The following CNTN4 variants were observed in gnomAD, a reference collection of about 807,000 sequenced individuals.
The protein encoded by CNTN4 is contactin-4.
A neutral mutation model predicts 122.5 loss-of-function variants in CNTN4; 77 were observed. The ratio of observed to expected loss-of-function variants is 0.63; its 90% CI spans 0.52 to 0.76. The LOEUF (loss-of-function observed/expected upper bound fraction) is 0.76. CNTN4 is among the 30% of genes least tolerant of loss of function. The probability of loss-of-function intolerance (pLI) is 0.00; values close to 1 mark genes in which losing one functional copy is unlikely to be tolerated. For missense variants in CNTN4, 1,256 were observed against 1,259.1 expected (o/e 1.00, Z 0.04); for synonymous variants, 512 against 447.0 (o/e 1.15, Z -1.83).
chr3:2,721,223 C>G (rs2087832695), intron 4 of CNTN4, among the ~76,000 whole-genome samples: 1 of 152,162 alleles, frequency 6.6e-6, no homozygotes, highest in African/African-American at 2.4e-5. Flanking sequence ...CCACCCACCT[C>G]AGCCTCCCCA....
intron 2 of CNTN4, among the ~76,000 whole-genome samples, chr3:2,300,972 C>T (rs955718900): frequency 1.3e-5 from 2 of 152,146 alleles, no homozygotes; most frequent in African/African-American, 4.8e-5. Context: ...GATTTACCTG[C>T]AGGAAGTGAC....
In CNTN4 at chr3:2,216,770, G is replaced by A. The variant is rs140236651; in HGVS notation, c.-145+116131G>A. 2.1e-4 allele frequency among the ~76,000 whole-genome samples: 32 copies of A among 152,150 alleles called. No homozygotes were observed. The Middle Eastern group carries it at 0.01, about 49-fold the overall frequency. ...TTGCTTATAGTTGATGTTATGCCCT[G>A]GCTGGTTCCAGTCTGCATACCCCTC... On this transcript the variant is annotated intron_variant, in intron 2 of 24. Transcript: ENST00000418658.
At chr3:3,018,046 T>C (rs549438742) in intron 14 of CNTN4, among the ~76,000 whole-genome samples, 21 of 152,282 alleles carry the variant, frequency 1.4e-4, no homozygotes, top group Admixed American at 1.3e-3. Flanking sequence ...GAAACTGTGG[T>C]GTTTCCATTT....
At chr3:2,407,161 G>T (rs1338034496) in intron 3 of CNTN4, among the ~76,000 whole-genome samples, 1 of 152,122 alleles carries the variant, frequency 6.6e-6, no homozygotes, top group African/African-American at 2.4e-5. Flanking sequence ...GTGTTATTTT[G>T]AAAGTGGCAG....
chr3:2,234,685 A>G (rs940036286), intron 2 of CNTN4, among the ~76,000 whole-genome samples: 2 of 152,186 alleles, frequency 1.3e-5, no homozygotes, highest in Non-Finnish European at 2.9e-5. Flanking sequence ...TCATAAAGAA[A>G]TTTTATTTGA....
chr3:3,016,209 G>C (rs1017768019), intron 14 of CNTN4, among the ~76,000 whole-genome samples: 2 of 152,112 alleles, frequency 1.3e-5, no homozygotes, highest in African/African-American at 4.8e-5. Context: ...TATTTAATTT[G>C]TCATTGACAG....
intron 9 of CNTN4, among the ~76,000 whole-genome samples, chr3:2,886,636 T>C (rs2093982660): frequency 6.6e-6 from 1 of 151,214 alleles, no homozygotes; most frequent in Non-Finnish European, 1.5e-5. Context: ...CTCAGCCTCT[T>C]GAGTAGCTCA....
intron 2 of CNTN4, among the ~76,000 whole-genome samples, chr3:2,162,237 T>G (rs890762789): frequency 6.6e-6 from 1 of 152,230 alleles, no homozygotes; most frequent in African/African-American, 2.4e-5. Context: ...AACATGAGGT[T>G]TCCATCTGAT....
At chr3:2,120,121 T>C (rs2033625859) in intron 2 of CNTN4, among the ~76,000 whole-genome samples, 1 of 151,736 alleles carries the variant, frequency 6.6e-6, no homozygotes, top group Admixed American at 6.6e-5. Context: ...ATTTAAGTTT[T>C]AATGTACAAA....
chr3:2,747,338 G>A (rs1044749602), intron 6 of CNTN4, among the ~76,000 whole-genome samples: 1 of 151,722 alleles, frequency 6.6e-6, no homozygotes, highest in African/African-American at 2.4e-5. Flanking sequence ...GAACCCGGGA[G>A]GCGGAGCTTG....
intron 3 of CNTN4, among the ~76,000 whole-genome samples, chr3:2,419,976 G>T (rs1167445457): frequency 6.6e-6 from 1 of 152,122 alleles, no homozygotes; most frequent in Non-Finnish European, 1.5e-5. Context: ...AGGTGTGGAT[G>T]CTGCCAAAAG....
At chr3:2,691,030 A>G (rs2085710199) in intron 4 of CNTN4, among the ~76,000 whole-genome samples, 1 of 152,204 alleles carries the variant, frequency 6.6e-6, no homozygotes, top group African/African-American at 2.4e-5. Flanking sequence ...TTCATCACAA[A>G]TAATCAGCTT....
chr3:2,681,789 A>G (rs1243599662), intron 4 of CNTN4, among the ~76,000 whole-genome samples: 2 of 152,016 alleles, frequency 1.3e-5, no homozygotes, highest in Non-Finnish European at 2.9e-5. Flanking sequence ...ACTCTCTTAA[A>G]TGGATTTGCC....
chr3:2,344,217 C>T (rs142116545), intron 3 of CNTN4, among the ~76,000 whole-genome samples: 103 of 152,120 alleles, frequency 6.8e-4, no homozygotes, highest in African/African-American at 2.3e-3. Flanking sequence ...TTCAAATCCA[C>T]ACACACTGCC....
In CNTN4 at chr3:2,124,473, C is replaced by CACACACA. The variant is rs1553570119; in HGVS notation, c.-145+23834_-145+23835insACACACA. On this transcript the variant is annotated intron_variant, in intron 2 of 24. Transcript: ENST00000418658. ...ACACACACACACACACACACACACA[C>CACACACA]CCCCTTAAGCAAGGTATGCTGGCTC... is the stretch of plus-strand genomic sequence containing the variant. Among the ~76,000 whole-genome samples, 604 of 147,188 alleles carry CACACACA rather than the reference C, an allele frequency of 4.1e-3. 2 individuals carry two copies. The highest frequency in any genetic ancestry group is 0.012 in the East Asian group (58 of 4,990).
At chr3:2,659,130 A>G (rs2083747701) in intron 4 of CNTN4, among the ~76,000 whole-genome samples, 1 of 152,062 alleles carries the variant, frequency 6.6e-6, no homozygotes. Flanking sequence ...CAGAATTGAT[A>G]CTCTTTATTG....
intron 2 of CNTN4, among the ~76,000 whole-genome samples, chr3:2,112,212 A>G (rs188782500): frequency 7.2e-5 from 11 of 152,284 alleles, no homozygotes; most frequent in African/African-American, 1.7e-4. Context: ...TACTTCAGCT[A>G]TAGCCCATCT....
chr3:2,474,136 C>T (rs2151524818), intron 3 of CNTN4, among the ~76,000 whole-genome samples: 1 of 152,228 alleles, frequency 6.6e-6, no homozygotes, highest in Admixed American at 6.5e-5. Context: ...ACTAGCCTGC[C>T]TTAACTTTGT....
rs747683129 is a variant in CNTN4, at chr3:2,883,217, C to T, written c.725C>T (p.Thr242Met). Residue 242 changes from threonine (T) to methionine (M), a missense_variant, in exon 9 of 25, where the codon ACG (threonine) becomes ATG (methionine). Thr to Met is a moderately conservative substitution (Grantham distance 81). Transcript: ENST00000418658. ...PETVPTAKGATVKLECFALGN... is the reference protein window; with the variant it reads ...PETVPTAKGAMVKLECFALGN... ...ACAGTTCCGACTGCAAAAGGAGCAACGGTGAAGCTGGAATGCTTTGCTTTA... is the reference window on the plus strand; with the variant it reads ...ACAGTTCCGACTGCAAAAGGAGCAATGGTGAAGCTGGAATGCTTTGCTTTA... 12 of 1,613,524 alleles carry T rather than the reference C, an allele frequency of 7.4e-6. No individual in the cohort carries two copies. Among genetic ancestry groups the T allele is most frequent in the Middle Eastern group, 1.6e-4 (1 of 6,080 alleles).
Sources: gnomAD v4.1 joint callset for allele counts (sites outside exome capture counted in the v4.1 genomes callset) on GRCh38, gnomAD v4.1.1 for gene constraint, MANE v1.5 for transcripts, NCBI Gene and HGNC (gene_info 2026-07-23, HGNC 2026-07-21) for gene names.